Variants in ROBO1 observed in about 807,000 individuals in gnomAD.
The protein encoded by ROBO1 is roundabout guidance receptor 1, also known as roundabout homolog 1.
Under a neutral mutation model 195.9 loss-of-function variants are expected in ROBO1, and 149 were observed. The observed-to-expected ratio is 0.76, with a 90% CI of 0.67 to 0.87. The LOEUF is 0.87. Among genes scored for constraint, ROBO1 ranks in the 40% least tolerant of loss-of-function variants. The pLI is 0.00. For missense variants in ROBO1, 1,933 were observed against 2,068.3 expected, an observed-to-expected ratio of 0.93 and a Z score of 1.27; for synonymous variants, 816 against 733.2, an observed-to-expected ratio of 1.11 and a Z score of -1.82.
intron 2 of ROBO1, among the ~76,000 whole-genome samples, chr3:79,293,226 A>G (rs2032364976): frequency 6.6e-6 from 1 of 152,116 alleles, no homozygotes; most frequent in Admixed American, 6.5e-5. Context: ...CAGTGGTGAT[A>G]TCCCCTTTAT....
chr3:78,654,033 T>G (rs1706843833), intron 18 of ROBO1, among the ~76,000 whole-genome samples: 1 of 152,224 alleles, frequency 6.6e-6, no homozygotes, highest in Non-Finnish European at 1.5e-5. Context: ...TAGAAAGATT[T>G]TTCAATCCAA....
chr3:78,681,270 A>T (rs1371473573), intron 10 of ROBO1, among the ~76,000 whole-genome samples: 1 of 152,120 alleles, frequency 6.6e-6, no homozygotes, highest in Non-Finnish European at 1.5e-5. Context: ...GCAGCATGGC[A>T]CATGTATACA....
intron 2 of ROBO1, among the ~76,000 whole-genome samples, chr3:79,448,443 G>T (rs1178258061): frequency 6.6e-6 from 1 of 151,808 alleles, no homozygotes; most frequent in African/African-American, 2.4e-5. Context: ...GCTTTGTAAG[G>T]GTCCTCCATA....
intron 1 of ROBO1, among the ~76,000 whole-genome samples, chr3:79,728,481 A>C (rs981707964): frequency 6.6e-6 from 1 of 152,162 alleles, no homozygotes; most frequent in Non-Finnish European, 1.5e-5. Context: ...CTTCAATGTT[A>C]ACCTTGACTG....
At chr3:79,329,070 A>G (rs141883541) in intron 2 of ROBO1, among the ~76,000 whole-genome samples, 39 of 152,208 alleles carry the variant, frequency 2.6e-4, no homozygotes, top group African/African-American at 8.7e-4. Flanking sequence ...TGGAGGCACT[A>G]CCTCTTTTAT....
chr3:79,233,277 T>A (rs1304237279), intron 2 of ROBO1, among the ~76,000 whole-genome samples: 7 of 152,100 alleles, frequency 4.6e-5, no homozygotes, highest in Non-Finnish European at 1.0e-4. Context: ...TTTATTTCTA[T>A]CTTTGGGTGA....
intron 1 of ROBO1, among the ~76,000 whole-genome samples, chr3:79,622,469 A>G (rs1302791693): frequency 6.6e-6 from 1 of 152,210 alleles, no homozygotes; most frequent in East Asian, 1.9e-4. Flanking sequence ...CCATCTCTGT[A>G]GCTCCAGCCT....
At chr3:79,127,758 A>C (rs2108578267) in intron 2 of ROBO1, among the ~76,000 whole-genome samples, 1 of 152,288 alleles carries the variant, frequency 6.6e-6, no homozygotes, top group Middle Eastern at 3.4e-3. Context: ...AAATCATATA[A>C]AACAGATTTC....
Position 78,599,863 on chromosome 3 carries a change from T to TTATC in ROBO1, c.4941+246_4941+249dup, listed in dbSNP as rs1478164438. ...ACAATGTGTTTGCCATATATGTTTCTTATCTGAAAATCTGCAAATGAAGAT... is the reference window on the plus strand; with the variant it reads ...ACAATGTGTTTGCCATATATGTTTCTTATCTATCTGAAAATCTGCAAATGAAGAT... On this transcript the variant is annotated intron_variant, in intron 30 of 30. Transcript: ENST00000464233. Among the ~76,000 whole-genome samples, 4 of 152,360 alleles carry TTATC rather than the reference T, an allele frequency of 2.6e-5. No individual in the cohort carries two copies. The South Asian group carries it at 8.3e-4, about 32-fold the overall frequency.
intron 21 of ROBO1, among the ~76,000 whole-genome samples, chr3:78,644,854 C>T (rs1706180519): frequency 6.6e-6 from 1 of 152,170 alleles, no homozygotes; most frequent in Non-Finnish European, 1.5e-5. Context: ...ATCAAAGACA[C>T]TCAAGAAGCA....
chr3:79,734,731 C>T (rs1165552170), intron 1 of ROBO1, among the ~76,000 whole-genome samples: 1 of 152,130 alleles, frequency 6.6e-6, no homozygotes, highest in Non-Finnish European at 1.5e-5. Flanking sequence ...CCACTACTTC[C>T]ATAGGTCTGA....
At chr3:78,607,183 A>C in intron 28 of ROBO1, 142 bp from the exon 29 acceptor site, 1 of 762,416 alleles carries the variant, frequency 1.3e-6, no homozygotes. Flanking sequence ...AACCAAGGAA[A>C]AATACCCACA....
At chr3:79,291,815 C>T (rs564667100) in intron 2 of ROBO1, among the ~76,000 whole-genome samples, 1 of 152,182 alleles carries the variant, frequency 6.6e-6, no homozygotes, top group East Asian at 1.9e-4. Context: ...GATAGCCCAC[C>T]ATAAATGGCC....
intron 2 of ROBO1, among the ~76,000 whole-genome samples, chr3:79,484,753 A>ATTTTTTTTTTTTTTTTTTTTTTT (rs1402757273): frequency 7.9e-4 from 14 of 17,690 alleles, no homozygotes; most frequent in South Asian, 2.5e-3. Flanking sequence ...TCATTGCACT[A>ATTTTTTTTTTTTTTTTTTTTTTT]TCTTTTTTTT....
chr3:78,810,985 C>T (rs1158577751), intron 4 of ROBO1, among the ~76,000 whole-genome samples: 1 of 152,130 alleles, frequency 6.6e-6, no homozygotes, highest in African/African-American at 2.4e-5. Context: ...TGATTGTTTC[C>T]AGTGAGGCCA....
chr3:79,673,554 C>T (rs1456113859), intron 1 of ROBO1, among the ~76,000 whole-genome samples: 1 of 151,788 alleles, frequency 6.6e-6, no homozygotes, highest in Non-Finnish European at 1.5e-5. Flanking sequence ...TTAGAAAGCC[C>T]TTTTTGTGTG....
chr3:78,633,890 G>T (rs922478773), intron 24 of ROBO1, 45 bp downstream of exon 24: 1 of 1,305,148 alleles, frequency 7.7e-7, no homozygotes, highest in Non-Finnish European at 1.1e-6. Flanking sequence ...ATCTTGGAAA[G>T]TACCAGCTTT....
intron 2 of ROBO1, among the ~76,000 whole-genome samples, chr3:79,216,178 T>A (rs1188076684): frequency 3.3e-5 from 5 of 152,098 alleles, no homozygotes; most frequent in Admixed American, 3.3e-4. Flanking sequence ...ATAATTTTTT[T>A]AAGGAAACTT....
chr3:78,637,642 TC>T (rs1197820983), intron 22 of ROBO1, among the ~76,000 whole-genome samples: 1 of 152,190 alleles, frequency 6.6e-6, no homozygotes, highest in Non-Finnish European at 1.5e-5. Flanking sequence ...TAAATGGGTA[TC>T]GCCATTTTTT....
Sources: allele counts gnomAD v4.1 joint callset (sites outside exome capture counted in the v4.1 genomes callset), GRCh38; gene constraint gnomAD v4.1.1; transcripts MANE v1.5; gene names NCBI Gene and HGNC (gene_info 2026-07-23, HGNC 2026-07-21).